Variants in HCN2 observed in about 807,000 individuals in gnomAD.
HCN2 encodes the protein potassium/sodium hyperpolarization-activated cyclic nucleotide-gated channel 2.
HCN2 carries 20 observed loss-of-function variants against 52.3 expected under a neutral mutation model. The observed-to-expected ratio is 0.38, with a 90% CI of 0.27 to 0.56. The LOEUF is 0.56. HCN2 is among the 20% of genes least tolerant of loss of function. HCN2 has a pLI of 0.71. For synonymous variants in HCN2, 694 were observed against 537.0 expected (o/e 1.29, Z -4.04); for missense variants, 981 against 1,207.7 (o/e 0.81, Z 2.78).
At chr19:602,253 C>T (rs1350214067) in intron 1 of HCN2, among the ~76,000 whole-genome samples, 1 of 104,532 alleles carries the variant, frequency 9.6e-6, no homozygotes, top group Non-Finnish European at 2.0e-5. Flanking sequence ...GGACGCCCCA[C>T]TCCCTCCTCT....
Position 603,980 on chromosome 19 carries a change from G to T in HCN2, c.1056+13G>T. On this transcript the variant is annotated intron_variant, in intron 2 of 7. Coordinates refer to ENST00000251287, the MANE Select transcript of HCN2 (RefSeq NM_001194.4). ...TCAGTGGGAGGAGGTGAGGTGGGGC[G>T]GGGGCGGGGCCAAGGCAGCAGGGGC... 1 of 1,587,164 alleles carries T rather than the reference G, an allele frequency of 6.3e-7. No homozygotes were observed. Among genetic ancestry groups the T allele is most frequent in the Non-Finnish European group, 8.6e-7 (1 of 1,168,830 alleles).
In HCN2 at chr19:613,703, C is replaced by CA. The variant is rs1457389811; in HGVS notation, c.1826-149_1826-148insA. ...GCCGGGGATGGGGCCGGGGATGGGG[C>CA]CGGGGATGGGGCCGGGGCCGGCACC... is the stretch of plus-strand genomic sequence containing the variant. On this transcript the variant is annotated intron_variant, in intron 6 of 7. Coordinates refer to ENST00000251287, the MANE Select transcript of HCN2 (RefSeq NM_001194.4). 3,292 of 629,616 alleles carry CA rather than the reference C, an allele frequency of 5.2e-3. 317 individuals carry two copies. The highest frequency in any genetic ancestry group is 5.7e-3 in the Non-Finnish European group (2,601 of 457,542). The allele number at this position is 629,616 out of a possible 1,614,324, so 39.0% of individuals were successfully genotyped here.
At chr19:612,844 GT>G (rs371557417) in intron 5 of HCN2, among the ~76,000 whole-genome samples, 17,132 of 126,298 alleles carry the variant, frequency 0.14, 2,287 homozygotes, top group African/African-American at 0.39. Flanking sequence ...ACGCCTGGCT[GT>G]TTTTTTTTTT....
Position 617,076 on chromosome 19 carries a change from C to G in HCN2, c.*602C>G. 1.7e-6 allele frequency: 1 copy of G among 591,392 alleles called. No individual in the cohort carries two copies. The allele number at this position is 591,392 out of a possible 1,614,324, so 36.6% of individuals were successfully genotyped here. ...TGATGAATGTACTGACGAGCCGAGG[C>G]AGCAGTGCCCCCACCGTGGCCCCCC... On this transcript the variant is annotated 3_prime_UTR_variant, in exon 8 of 8. Transcript: ENST00000251287.
intron 1 of HCN2, among the ~76,000 whole-genome samples, chr19:603,287 G>C (rs796901314): frequency 0.015 from 1,300 of 87,460 alleles, 66 homozygotes; most frequent in South Asian, 0.05. Flanking sequence ...CCAGCCTGAG[G>C]TGTGGGCACC....
intron 6 of HCN2, 35 bp from the exon 7 acceptor site, chr19:613,817 T>A: frequency 6.8e-7 from 1 of 1,478,640 alleles, no homozygotes; most frequent in Non-Finnish European, 8.9e-7. Flanking sequence ...GGCGCCCGCC[T>A]CGTCCAGCAA....
At chr19:609,429 C>T (rs1227510346) in intron 4 of HCN2, among the ~76,000 whole-genome samples, 1 of 152,204 alleles carries the variant, frequency 6.6e-6, no homozygotes, top group Non-Finnish European at 1.5e-5. Context: ...CTCGTAGAGT[C>T]AGGTGCCCAC....
In HCN2 at chr19:602,113, C is replaced by T. The variant is rs1256459848; in HGVS notation, c.633-1431C>T. Among the ~76,000 whole-genome samples, 38 of 132,208 alleles carry T rather than the reference C, an allele frequency of 2.9e-4. 2 individuals are homozygous for T. Among genetic ancestry groups the T allele is most frequent in the African/African-American group, 1.0e-3 (34 of 33,002 alleles). 86.7% of individuals were successfully genotyped at this position (132,208 alleles called of 152,430 possible). A position where few individuals can be genotyped will look rare whatever the true frequency, so the allele number is the denominator to read the frequency against. On this transcript the variant is annotated intron_variant, in intron 1 of 7. Coordinates refer to ENST00000251287, the MANE Select transcript of HCN2 (RefSeq NM_001194.4). ...CCCCACTTCCTCCCCTCTCCTCCTG[C>T]GTGGACGCCCCACTCCCTCCTCTCT...
intron 1 of HCN2, among the ~76,000 whole-genome samples, chr19:593,349 G>A (rs1407230045): frequency 2.6e-5 from 4 of 152,226 alleles, no homozygotes; most frequent in African/African-American, 7.2e-5. Context: ...GGGTGCAGCG[G>A]CTCACGCCTG....
rs866017711 is a variant in HCN2 at position 592,484 on chromosome 19, T to C, written c.632+1907T>C. Reference sequence around the variant, plus strand: ...TGGTCGCCTGGAGGCCTGGGCAGGCTGTGGCCCCGCTCTGTGCTCTGAGGC... The same window carrying C: ...TGGTCGCCTGGAGGCCTGGGCAGGCCGTGGCCCCGCTCTGTGCTCTGAGGC... On this transcript the variant is annotated intron_variant, in intron 1 of 7. Transcript: ENST00000251287. The surrounding 1 kb of genome is among the most constrained non-coding windows in gnomAD (Gnocchi z 4.8). Among the ~76,000 whole-genome samples, 3 of 152,128 alleles carry C rather than the reference T, an allele frequency of 2.0e-5. No homozygotes were observed. Among genetic ancestry groups the C allele is most frequent in the African/African-American group, 7.2e-5 (3 of 41,406 alleles).
intron 4 of HCN2, among the ~76,000 whole-genome samples, chr19:609,059 C>T (rs1348512021): frequency 6.6e-6 from 1 of 152,206 alleles, no homozygotes; most frequent in East Asian, 1.9e-4. Context: ...GCCAAGTGCC[C>T]CCCTCTCCCG....
rs1204661510 is a variant in HCN2 at position 591,630 on chromosome 19, C to T, written c.632+1053C>T. 6.6e-6 allele frequency among the ~76,000 whole-genome samples: 1 copy of T among 151,678 alleles called. No individual in the cohort carries two copies. Among genetic ancestry groups the T allele is most frequent in the Non-Finnish European group, 1.5e-5 (1 of 67,840 alleles). On this transcript the variant is annotated intron_variant, in intron 1 of 7. Coordinates refer to ENST00000251287, the MANE Select transcript of HCN2 (RefSeq NM_001194.4). The surrounding 1 kb of genome is among the most constrained non-coding windows in gnomAD (Gnocchi z 4.1). ...GCAGGTGGAGGGTGTAGGTGGGGCC[C>T]GCCGGGCTAGCGAGGCCGGGCGCGC...
intron 1 of HCN2, among the ~76,000 whole-genome samples, chr19:598,210 A>G (rs1176452410): frequency 6.6e-6 from 1 of 151,708 alleles, no homozygotes; most frequent in East Asian, 1.9e-4. Flanking sequence ...TCCTGTCTAG[A>G]CTCAGGGAAA....
At position 599,804 on chromosome 19, in the gene HCN2, A is replaced by G. The variant is rs138107464; in HGVS notation, c.633-3740A>G. The stretch of plus-strand genomic sequence containing the variant: ...CTCTGTCTCAAAAAAGAAAACCTCA[A>G]GAACTAAGAAGGCTGAGTTGGTACA... On this transcript the variant is annotated intron_variant, in intron 1 of 7. Transcript: ENST00000251287. Among the ~76,000 whole-genome samples the G allele has an allele frequency of 3.4e-3, 509 of 150,900 alleles. 3 individuals carry two copies. The highest frequency in any genetic ancestry group is 0.011 in the African/African-American group (469 of 41,092).
chr19:609,379 G>A (rs945818543), intron 4 of HCN2, among the ~76,000 whole-genome samples: 3 of 152,206 alleles, frequency 2.0e-5, no homozygotes, highest in South Asian at 4.1e-4. Context: ...CAGAGCCCCC[G>A]GGAAGGGGGT....
intron 2 of HCN2, among the ~76,000 whole-genome samples, chr19:604,857 G>T (rs1983362985): frequency 3.6e-5 from 2 of 55,560 alleles, no homozygotes; most frequent in South Asian, 7.4e-4. Flanking sequence ...TGTAGAGGTG[G>T]GCGGGGTCCT....
chr19:591,535 A>G lies in HCN2; in HGVS notation c.632+958A>G, dbSNP rs1447420867. Among the ~76,000 whole-genome samples the G allele has an allele frequency of 1.3e-5, 2 of 152,068 alleles. No homozygotes were observed. The highest frequency in any genetic ancestry group is 2.9e-5 in the Non-Finnish European group (2 of 67,990). ...TGTGAGCCGCAGGCAGGTCTCACACACGCGACCATGGAGGGATGCGTGTGT... is the reference window on the plus strand; with the variant it reads ...TGTGAGCCGCAGGCAGGTCTCACACGCGCGACCATGGAGGGATGCGTGTGT... On this transcript the variant is annotated intron_variant, in intron 1 of 7. Coordinates refer to ENST00000251287, the MANE Select transcript of HCN2 (RefSeq NM_001194.4). This position sits in a 1 kb window ranked among gnomAD's most constrained non-coding sequence, Gnocchi z 4.1.
rs1360275771 is a variant in HCN2, at chr19:590,818, C to A, written c.632+241C>A. On this transcript the variant is annotated intron_variant, in intron 1 of 7. Transcript: ENST00000251287. The surrounding 1 kb of genome is among the most constrained non-coding windows in gnomAD (Gnocchi z 7.2). Reference sequence around the variant, plus strand: ...GCCCCCCTCCCACGCACCCCGACATCCTCCGCCCTGCGGCGCGGCGGGTGG... The same window carrying A: ...GCCCCCCTCCCACGCACCCCGACATACTCCGCCCTGCGGCGCGGCGGGTGG... The A allele has an allele frequency of 2.6e-5, 7 of 273,814 alleles. No homozygotes were observed. The East Asian group carries it at 4.4e-4, about 17-fold the overall frequency. The allele number at this position is 273,814 out of a possible 1,614,324, so 17.0% of individuals were successfully genotyped here. A position where few individuals can be genotyped will look rare whatever the true frequency, so the allele number is the denominator to read the frequency against.
At position 590,151 on chromosome 19, in the gene HCN2, G is replaced by C. The variant is rs1289528625; in HGVS notation, c.206G>C (p.Gly69Ala). 1 of 971,858 alleles carries C rather than the reference G, an allele frequency of 1.0e-6. No individual in the cohort carries two copies. Among genetic ancestry groups the C allele is most frequent in the African/African-American group, 1.8e-5 (1 of 55,582 alleles). 60.2% of individuals were successfully genotyped at this position (971,858 alleles called of 1,614,324 possible). A position where few individuals can be genotyped will look rare whatever the true frequency, so the allele number is the denominator to read the frequency against. Residue 69 changes from glycine (G) to alanine (A), a missense_variant, in exon 1 of 8, where the codon GGC becomes GCC. Transcript: ENST00000251287. This position sits in a 1 kb window ranked among gnomAD's most constrained non-coding sequence, Gnocchi z 7.2. ...TTGCCCCCGGAGGCGGCGGATGAGGGCGGCCCGCGGGGCCGGCTCCGCAGC... is the reference window on the plus strand; with the variant it reads ...TTGCCCCCGGAGGCGGCGGATGAGGCCGGCCCGCGGGGCCGGCTCCGCAGC... The part of the protein sequence containing the change: ...EALPPEAADE[G>A]GPRGRLRSRD...
Sources: allele counts gnomAD v4.1 joint callset (sites outside exome capture counted in the v4.1 genomes callset), GRCh38; gene constraint gnomAD v4.1.1; non-coding constraint Gnocchi (gnomAD v3.1); transcripts MANE v1.5; gene names NCBI Gene and HGNC (gene_info 2026-07-23, HGNC 2026-07-21).